Variants in CNTN3 observed in about 807,000 individuals in gnomAD.
The protein encoded by CNTN3 is contactin-3.
Under a neutral mutation model 119.1 loss-of-function variants are expected in CNTN3, and 60 were observed. The ratio of observed to expected loss-of-function variants is 0.50; its 90% confidence interval spans 0.41 to 0.62. The LOEUF (loss-of-function observed/expected upper bound fraction) is 0.62. Ranked by LOEUF, CNTN3 falls within the 20% of genes least tolerant of loss-of-function variation. CNTN3 has a pLI of 0.00. For missense variants in CNTN3, 1,101 were observed against 1,242.4 expected (o/e 0.89, Z 1.71); for synonymous variants, 450 against 438.7 (o/e 1.03, Z -0.32).
At chr3:74,501,008 A>G (rs1427169784) in intron 2 of CNTN3, among the ~76,000 whole-genome samples, 1 of 152,060 alleles carries the variant, frequency 6.6e-6, no homozygotes, top group East Asian at 1.9e-4. Context: ...CAGTCCGTGC[A>G]GGGATACTCT....
chr3:74,506,840 G>T (rs1169074256), intron 2 of CNTN3, among the ~76,000 whole-genome samples: 1 of 151,724 alleles, frequency 6.6e-6, no homozygotes, highest in African/African-American at 2.4e-5. Context: ...CACATGAAAA[G>T]AGTGCATTAA....
At chr3:74,437,977 A>T (rs578128687) in intron 4 of CNTN3, among the ~76,000 whole-genome samples, 14 of 152,318 alleles carry the variant, frequency 9.2e-5, no homozygotes, top group South Asian at 4.1e-4. Context: ...TATCATATTT[A>T]AAAAACTTAC....
At chr3:74,548,600 A>G (rs1023178112) in intron 1 of CNTN3, among the ~76,000 whole-genome samples, 1 of 152,186 alleles carries the variant, frequency 6.6e-6, no homozygotes, top group Non-Finnish European at 1.5e-5. Context: ...TTTTAGATAC[A>G]GCAAGTCCTC....
rs1704139375 is a variant in CNTN3 at position 74,560,701 on chromosome 3, A to G, written c.-80-39509T>C. On this transcript the variant is annotated intron_variant, in intron 1 of 22. Coordinates refer to ENST00000263665, the MANE Select transcript of CNTN3 (RefSeq NM_020872.3). ...ATATACCCAAAGGAATATAAATCAT[A>G]CTGCTATAAAGACACATGCACACAT... 3.3e-5 allele frequency among the ~76,000 whole-genome samples: 5 copies of G among 152,048 alleles called. No individual in the cohort carries two copies. In the South Asian group the frequency reaches 1.0e-3, roughly 32 times the overall value.
At chr3:74,305,634 C>T (rs1271703186) in intron 13 of CNTN3, among the ~76,000 whole-genome samples, 5 of 151,372 alleles carry the variant, frequency 3.3e-5, no homozygotes, top group African/African-American at 1.2e-4. Context: ...AGGATATGAA[C>T]CAGATGGAAA....
At chr3:74,395,911 A>G (rs529809207) in intron 5 of CNTN3, among the ~76,000 whole-genome samples, 8 of 152,212 alleles carry the variant, frequency 5.3e-5, no homozygotes, top group Admixed American at 3.9e-4. Flanking sequence ...TTATTATTAC[A>G]TCTGTCATGA....
intron 2 of CNTN3, among the ~76,000 whole-genome samples, chr3:74,505,957 G>T (rs933903019): frequency 6.6e-6 from 1 of 152,106 alleles, no homozygotes; most frequent in African/African-American, 2.4e-5. Context: ...TCAATAATTA[G>T]GGAATTGGAA....
chr3:74,306,608 G>A (rs967498330), intron 13 of CNTN3, among the ~76,000 whole-genome samples: 4 of 152,058 alleles, frequency 2.6e-5, no homozygotes, highest in African/African-American at 9.7e-5. Flanking sequence ...GCCCACTAGT[G>A]TAATTCTGTT....
intron 13 of CNTN3, among the ~76,000 whole-genome samples, chr3:74,317,238 T>C (rs377107729): frequency 0.013 from 1,997 of 149,018 alleles, 17 homozygotes; most frequent in African/African-American, 0.026. Flanking sequence ...TGTCTCTGCA[T>C]GTGAGATGGG....
At chr3:74,264,996 A>G (rs1391231053) in intron 22 of CNTN3, among the ~76,000 whole-genome samples, 2 of 152,136 alleles carry the variant, frequency 1.3e-5, no homozygotes, top group Non-Finnish European at 2.9e-5. Context: ...TTTAATTGAA[A>G]TGGGAAAAAC....
At chr3:74,425,694 C>G (rs1701685254) in intron 4 of CNTN3, among the ~76,000 whole-genome samples, 1 of 152,164 alleles carries the variant, frequency 6.6e-6, no homozygotes, top group South Asian at 2.1e-4. Context: ...GTAATAATGA[C>G]CAACTATTCA....
At chr3:74,537,886 T>C (rs1025499165) in intron 1 of CNTN3, among the ~76,000 whole-genome samples, 2 of 151,964 alleles carry the variant, frequency 1.3e-5, no homozygotes, top group Non-Finnish European at 2.9e-5. Context: ...TGCAAGGAGA[T>C]GGATCTACAA....
chr3:74,587,437 CA>C, intron 1 of CNTN3, among the ~76,000 whole-genome samples: 1 of 152,156 alleles, frequency 6.6e-6, no homozygotes, highest in South Asian at 2.1e-4. Flanking sequence ...TACGTCATTA[CA>C]AGACTGGAAG....
intron 1 of CNTN3, among the ~76,000 whole-genome samples, chr3:74,571,496 T>C (rs1704332911): frequency 6.6e-6 from 1 of 152,180 alleles, no homozygotes; most frequent in African/African-American, 2.4e-5. Context: ...CTCTCATGAC[T>C]TCAGCTCCCT....
intron 5 of CNTN3, among the ~76,000 whole-genome samples, chr3:74,405,423 TGC>T (rs1420495658): frequency 1.3e-5 from 2 of 152,080 alleles, no homozygotes; most frequent in Non-Finnish European, 2.9e-5. Flanking sequence ...AATATTTCAG[TGC>T]TATATTTATT....
intron 13 of CNTN3, among the ~76,000 whole-genome samples, chr3:74,327,330 T>C (rs535864272): frequency 1.3e-5 from 2 of 152,084 alleles, no homozygotes; most frequent in South Asian, 4.1e-4. Context: ...GGTTTCACCA[T>C]GTTGGTCAGG....
chr3:74,409,094 T>C (rs1018566900), intron 5 of CNTN3, among the ~76,000 whole-genome samples: 1 of 152,206 alleles, frequency 6.6e-6, no homozygotes, highest in Non-Finnish European at 1.5e-5. Context: ...ACCATGGTCT[T>C]GGGTCATGTT....
intron 1 of CNTN3, among the ~76,000 whole-genome samples, chr3:74,537,826 G>C (rs1703787365): frequency 6.6e-6 from 1 of 152,092 alleles, no homozygotes; most frequent in Non-Finnish European, 1.5e-5. Context: ...GAGGGATGGA[G>C]GTCTACAGGG....
At chr3:74,290,014 T>C (rs1294346149) in intron 19 of CNTN3, among the ~76,000 whole-genome samples, 2 of 152,248 alleles carry the variant, frequency 1.3e-5, no homozygotes, top group African/African-American at 2.4e-5. Context: ...CTCTCTTTCT[T>C]GGTGTGACCA....
Sources: gnomAD v4.1 joint callset for allele counts (sites outside exome capture counted in the v4.1 genomes callset) on GRCh38, gnomAD v4.1.1 for gene constraint, MANE v1.5 for transcripts, NCBI Gene and HGNC (gene_info 2026-07-23, HGNC 2026-07-21) for gene names.